The following COL25A1 variants were observed in gnomAD, a reference collection of about 807,000 sequenced individuals.
COL25A1 encodes the protein collagen alpha-1(XXV) chain.
Under a neutral mutation model 128.4 loss-of-function variants are expected in COL25A1, and 103 were observed. The ratio of observed to expected loss-of-function variants is 0.80; its 90% CI spans 0.68 to 0.94. The LOEUF (loss-of-function observed/expected upper bound fraction) is 0.94, where lower values mean the gene tolerates loss of function less well. Among genes scored for constraint, COL25A1 ranks in the 40% least tolerant of loss-of-function variants. The probability of loss-of-function intolerance (pLI) is 0.00; values close to 1 mark genes in which losing one functional copy is unlikely to be tolerated. For missense variants in COL25A1, 745 were observed against 840.0 expected (o/e 0.89, Z 1.40); for synonymous variants, 279 against 277.2 (o/e 1.01, Z -0.06).
intron 8 of COL25A1, among the ~76,000 whole-genome samples, chr4:108,966,183 C>T (rs1219479160): frequency 6.6e-6 from 1 of 152,118 alleles, no homozygotes; most frequent in Non-Finnish European, 1.5e-5. Context: ...CATACAGTTT[C>T]TAGGGTATTA....
intron 3 of COL25A1, among the ~76,000 whole-genome samples, chr4:109,097,512 G>A (rs1443809687): frequency 6.6e-6 from 1 of 151,052 alleles, no homozygotes; most frequent in African/African-American, 2.4e-5. Flanking sequence ...ACCTGGGAGT[G>A]TGAGGTGGGA....
intron 3 of COL25A1, among the ~76,000 whole-genome samples, chr4:109,140,625 G>A (rs1770308089): frequency 6.6e-6 from 1 of 152,114 alleles, no homozygotes; most frequent in Admixed American, 6.5e-5. Flanking sequence ...GTGGTTTGTA[G>A]TTCTCCTTGA....
intron 3 of COL25A1, among the ~76,000 whole-genome samples, chr4:109,216,462 G>C (rs370061201): frequency 6.6e-6 from 1 of 152,084 alleles, no homozygotes; most frequent in Admixed American, 6.6e-5. Context: ...TTTGGAAATG[G>C]TCTTTGTAGA....
At chr4:108,913,649 T>C (rs1744527787) in intron 13 of COL25A1, among the ~76,000 whole-genome samples, 1 of 152,144 alleles carries the variant, frequency 6.6e-6, no homozygotes, top group Non-Finnish European at 1.5e-5. Flanking sequence ...TTATGGATGC[T>C]AAGAAAGATG....
At chr4:109,193,775 C>T (rs1560843570) in intron 3 of COL25A1, among the ~76,000 whole-genome samples, 1 of 152,110 alleles carries the variant, frequency 6.6e-6, no homozygotes, top group Non-Finnish European at 1.5e-5. Flanking sequence ...ACTAAATACA[C>T]AACATTGCCA....
chr4:109,180,241 C>T (rs1774500025), intron 3 of COL25A1, among the ~76,000 whole-genome samples: 1 of 152,088 alleles, frequency 6.6e-6, no homozygotes, highest in African/African-American at 2.4e-5. Flanking sequence ...CCTTTGGCAA[C>T]ACTGCCAAAG....
chr4:109,113,749 T>G (rs1767261892), intron 3 of COL25A1, among the ~76,000 whole-genome samples: 1 of 152,020 alleles, frequency 6.6e-6, no homozygotes, highest in Admixed American at 6.6e-5. Context: ...ACTACATATT[T>G]TCGTAAGCAT....
At chr4:109,152,989 C>G (rs529107994) in intron 3 of COL25A1, among the ~76,000 whole-genome samples, 6 of 151,792 alleles carry the variant, frequency 4.0e-5, no homozygotes, top group African/African-American at 1.2e-4. Flanking sequence ...CTGAATGTAC[C>G]GCAAAACTAT....
At chr4:109,154,212 T>A (rs1771816604) in intron 3 of COL25A1, among the ~76,000 whole-genome samples, 1 of 152,148 alleles carries the variant, frequency 6.6e-6, no homozygotes, top group Non-Finnish European at 1.5e-5. Flanking sequence ...ATCAATCAAA[T>A]CTAGGTTAAA....
At chr4:109,153,203 T>C (rs555953352) in intron 3 of COL25A1, among the ~76,000 whole-genome samples, 1 of 151,800 alleles carries the variant, frequency 6.6e-6, no homozygotes, top group African/African-American at 2.4e-5. Flanking sequence ...CTGACCAACA[T>C]GGAGAAACCT....
rs769241294 is a variant in COL25A1, at chr4:109,145,859, A to T, written c.368-95680T>A. The stretch of plus-strand genomic sequence containing the variant: ...TCCATCTCAAAAAAATAAAATAAAT[A>T]AAAAAAAGAGAGAAAGTATAAAATA... On this transcript the variant is annotated intron_variant, in intron 3 of 37. Coordinates refer to ENST00000399132, the MANE Select transcript of COL25A1 (RefSeq NM_198721.4). Among the ~76,000 whole-genome samples the T allele has an allele frequency of 3.7e-4, 56 of 152,066 alleles. No homozygotes were observed. The Middle Eastern group carries it at 0.014, about 37-fold the overall frequency.
chr4:108,826,643 A>G (rs1560706497), intron 33 of COL25A1, among the ~76,000 whole-genome samples: 1 of 152,232 alleles, frequency 6.6e-6, no homozygotes, highest in Non-Finnish European at 1.5e-5. Context: ...GAAAGTCAGA[A>G]ACATCAAGTC....
At chr4:108,822,517 A>C (rs1731903769) in intron 35 of COL25A1, among the ~76,000 whole-genome samples, 1 of 152,130 alleles carries the variant, frequency 6.6e-6, no homozygotes, top group Non-Finnish European at 1.5e-5. Context: ...CTTGAGTTCA[A>C]GTGATCTTCC....
At chr4:109,003,048 C>T (rs10008916) in intron 6 of COL25A1, among the ~76,000 whole-genome samples, 120,955 of 152,024 alleles carry the variant, frequency 0.8, 49,290 homozygotes, top group East Asian at 1. Context: ...TGCTTTTCTG[C>T]TCCTGTGTTA....
At chr4:108,884,931 G>C (rs990909750) in intron 18 of COL25A1, among the ~76,000 whole-genome samples, 1 of 152,114 alleles carries the variant, frequency 6.6e-6, no homozygotes, top group Non-Finnish European at 1.5e-5. Context: ...TTTTCACAGA[G>C]TTGTCTACAT....
intron 3 of COL25A1, among the ~76,000 whole-genome samples, chr4:109,188,623 G>A (rs977157736): frequency 2.6e-5 from 4 of 152,114 alleles, no homozygotes; most frequent in Non-Finnish European, 5.9e-5. Context: ...CCCAAGAATG[G>A]GGACAACGGC....
At chr4:108,873,522 C>CTAG (rs58240378) in intron 19 of COL25A1, among the ~76,000 whole-genome samples, 4,082 of 147,222 alleles carry the variant, frequency 0.028, 79 homozygotes, top group South Asian at 0.04. Flanking sequence ...TGTTAGCTGT[C>CTAG]TAGTAGTAGT....
At position 108,862,019 on chromosome 4, in the gene COL25A1, AAT is replaced by A. The variant is rs770585567; in HGVS notation, c.1197+480_1197+481del. Among the ~76,000 whole-genome samples, 7 of 152,308 alleles carry A rather than the reference AAT, an allele frequency of 4.6e-5. No homozygotes were observed. In the East Asian group the frequency reaches 1.2e-3, roughly 25 times the overall value. ...ATTAGTAGCTAACAGCATTTTAAATAATATGATTCTGCTGACAGTATATATGT... is the reference window on the plus strand; with the variant it reads ...ATTAGTAGCTAACAGCATTTTAAATAATGATTCTGCTGACAGTATATATGT... On this transcript the variant is annotated intron_variant, in intron 22 of 37. Coordinates refer to ENST00000399132, the MANE Select transcript of COL25A1 (RefSeq NM_198721.4).
chr4:109,224,453 C>A (rs2126213137), intron 3 of COL25A1, among the ~76,000 whole-genome samples: 1 of 152,212 alleles, frequency 6.6e-6, no homozygotes, highest in African/African-American at 2.4e-5. Context: ...AACTTAAAAT[C>A]TCATCTGGGA....
Sources: allele counts gnomAD v4.1 joint callset (sites outside exome capture counted in the v4.1 genomes callset), GRCh38; gene constraint gnomAD v4.1.1; transcripts MANE v1.5; gene names NCBI Gene and HGNC (gene_info 2026-07-23, HGNC 2026-07-21).